Variants in FAM135B observed in about 807,000 individuals in gnomAD.
The protein encoded by FAM135B is family with sequence similarity 135 member B.
Under a neutral mutation model 127.7 loss-of-function variants are expected in FAM135B, and 43 were observed. That is an observed-to-expected ratio of 0.34 (90% CI 0.26 to 0.43). The LOEUF (loss-of-function observed/expected upper bound fraction) is 0.43, where lower values mean the gene tolerates loss of function less well. FAM135B is among the 20% of genes least tolerant of loss of function. The pLI is 1.00. For synonymous variants in FAM135B, 670 were observed against 665.1 expected, an observed-to-expected ratio of 1.01 and a Z score of -0.11; for missense variants, 1,558 against 1,725.6, an observed-to-expected ratio of 0.90 and a Z score of 1.72.
intron 3 of FAM135B, among the ~76,000 whole-genome samples, chr8:138,305,312 T>C (rs1826165214): frequency 6.6e-6 from 1 of 152,210 alleles, no homozygotes; most frequent in Non-Finnish European, 1.5e-5. Context: ...TTGTGCCTAA[T>C]CATTTGCTGC....
intron 1 of FAM135B, among the ~76,000 whole-genome samples, chr8:138,385,534 G>A (rs1389508257): frequency 2.6e-5 from 4 of 152,226 alleles, no homozygotes; most frequent in Non-Finnish European, 4.4e-5. Context: ...AAAGGGGCCT[G>A]GCGAGGTGGC....
intron 1 of FAM135B, among the ~76,000 whole-genome samples, chr8:138,375,225 A>G (rs1338388666): frequency 6.7e-6 from 1 of 148,166 alleles, no homozygotes; most frequent in African/African-American, 2.5e-5. Flanking sequence ...AGGACAAGAA[A>G]TCACTTCTGA....
intron 3 of FAM135B, among the ~76,000 whole-genome samples, chr8:138,281,097 T>C (rs1366248035): frequency 6.6e-6 from 1 of 152,040 alleles, no homozygotes; most frequent in African/African-American, 2.4e-5. Flanking sequence ...GGATTTTAGG[T>C]GGAAAAAAAA....
chr8:138,475,077 T>C (rs1352711065), intron 1 of FAM135B, among the ~76,000 whole-genome samples: 2 of 140,882 alleles, frequency 1.4e-5, no homozygotes, highest in African/African-American at 5.5e-5. Flanking sequence ...TCTAGGTTAG[T>C]GAAAAATATA....
chr8:138,276,792 G>T (rs749053556), intron 3 of FAM135B, among the ~76,000 whole-genome samples: 19 of 152,184 alleles, frequency 1.2e-4, no homozygotes, highest in Admixed American at 3.9e-4. Flanking sequence ...CAAAATTGGG[G>T]AGCACAGAGA....
intron 7 of FAM135B, among the ~76,000 whole-genome samples, chr8:138,223,193 A>G (rs1355750715): frequency 6.6e-6 from 1 of 152,220 alleles, no homozygotes; most frequent in African/African-American, 2.4e-5. Flanking sequence ...GGGGTTAAAC[A>G]GGAGAGAACA....
chr8:138,293,889 T>C (rs1313008218), intron 3 of FAM135B, among the ~76,000 whole-genome samples: 1 of 152,156 alleles, frequency 6.6e-6, no homozygotes, highest in Admixed American at 6.5e-5. Context: ...ACAATCCCAG[T>C]GGTGGGTATC....
chr8:138,476,228 G>A (rs1316962067), intron 1 of FAM135B, among the ~76,000 whole-genome samples: 1 of 152,136 alleles, frequency 6.6e-6, no homozygotes. Flanking sequence ...AAATGAAAAG[G>A]CAGAGGACAA....
intron 3 of FAM135B, among the ~76,000 whole-genome samples, chr8:138,309,979 C>A (rs1422339098): frequency 1.3e-5 from 2 of 150,660 alleles, no homozygotes; most frequent in East Asian, 4.0e-4. Context: ...AAGTGATTCT[C>A]CTGCCTCAGC....
intron 3 of FAM135B, among the ~76,000 whole-genome samples, chr8:138,273,673 C>T (rs1227253095): frequency 6.6e-6 from 1 of 152,108 alleles, no homozygotes; most frequent in African/African-American, 2.4e-5. Flanking sequence ...AAAATGACAA[C>T]AACAATCCGA....
intron 4 of FAM135B, 151 bp downstream of exon 4, chr8:138,265,552 A>C (rs1181611844): frequency 1.3e-6 from 1 of 784,040 alleles, no homozygotes; most frequent in African/African-American, 1.7e-5. Flanking sequence ...ACGAATACAT[A>C]AATAAGTGCA....
rs1291383511 is a variant in FAM135B, at chr8:138,151,441, A to T, written c.3034T>A (p.Ser1012Thr). Residue 1012 changes from serine to threonine, a missense_variant, in exon 13 of 20, where the codon TCC becomes ACC. Transcript: ENST00000395297. ...ELKAGTSIMG[S>T]HLTSAETFTL... ...AAGGTCTCTGCAGAAGTCAGATGGG[A>T]CCCCATGATGGAAGTGCCTGCCTTC... 3.7e-6 allele frequency: 6 copies of T among 1,614,042 alleles called. No homozygotes were observed. The East Asian group carries it at 1.3e-4, about 36-fold the overall frequency.
At chr8:138,472,354 G>C (rs1472050345) in intron 1 of FAM135B, among the ~76,000 whole-genome samples, 1 of 152,180 alleles carries the variant, frequency 6.6e-6, no homozygotes, top group African/African-American at 2.4e-5. Flanking sequence ...AAACAGGAGG[G>C]AGTAGGGAGG....
intron 9 of FAM135B, among the ~76,000 whole-genome samples, chr8:138,190,900 A>T (rs1816061821): frequency 6.6e-6 from 1 of 152,022 alleles, no homozygotes; most frequent in Admixed American, 6.5e-5. Context: ...GAGTTGCCCC[A>T]CCTTTTTGGA....
At position 138,141,286 on chromosome 8, in the gene FAM135B, C is replaced by A. The variant is rs549350663; in HGVS notation, c.3702G>T (p.Arg1234=). 8 of 1,614,104 alleles carry A rather than the reference C, an allele frequency of 5.0e-6. No individual in the cohort carries two copies. In the African/African-American group the frequency reaches 8.0e-5, roughly 16 times the overall value. The change falls in exon 17 of 20, where the codon CGG becomes CGT. Residue 1234 remains arginine, a synonymous_variant. Coordinates refer to ENST00000395297, the MANE Select transcript of FAM135B (RefSeq NM_015912.4). The surrounding 1 kb of genome is among the most constrained non-coding windows in gnomAD (Gnocchi z 4.7). The stretch of plus-strand genomic sequence containing the variant: ...ACGTGTGGAGTTTGTTGAGGTAATA[C>A]CGGAACCGGGGCCGTGTGAGGACCG... ...IRSVLTRPRF[R]YYLNKLHTFL... is the part of the protein sequence containing the mutation.
intron 2 of FAM135B, among the ~76,000 whole-genome samples, chr8:138,366,166 T>C (rs1199799881): frequency 6.6e-6 from 1 of 152,206 alleles, no homozygotes; most frequent in Non-Finnish European, 1.5e-5. Context: ...ACTGTTCTAC[T>C]TCCCTAATCC....
intron 1 of FAM135B, among the ~76,000 whole-genome samples, chr8:138,462,296 C>A (rs1837171620): frequency 2.0e-5 from 3 of 152,062 alleles, no homozygotes; most frequent in Admixed American, 2.0e-4. Context: ...TTCCATTGAT[C>A]TTGGCATTTA....
intron 12 of FAM135B, among the ~76,000 whole-genome samples, chr8:138,161,763 T>C (rs1459378892): frequency 6.6e-6 from 1 of 152,214 alleles, no homozygotes; most frequent in East Asian, 1.9e-4. Flanking sequence ...CTCTCTACAA[T>C]ACCCTTCCCA....
At chr8:138,196,758 G>T (rs1816663547) in intron 8 of FAM135B, among the ~76,000 whole-genome samples, 1 of 152,142 alleles carries the variant, frequency 6.6e-6, no homozygotes, top group Non-Finnish European at 1.5e-5. Context: ...AGAGAACTTT[G>T]AGCAGAGCCA....
Sources: gnomAD v4.1 joint callset for allele counts (sites outside exome capture counted in the v4.1 genomes callset) on GRCh38, gnomAD v4.1.1 for gene constraint, Gnocchi (gnomAD v3.1) non-coding constraint, MANE v1.5 for transcripts, NCBI Gene and HGNC (gene_info 2026-07-23, HGNC 2026-07-21) for gene names.